The following SCFD2 variants were observed in gnomAD, a reference collection of about 807,000 sequenced individuals.
The protein encoded by SCFD2 is sec1 family domain-containing protein 2.
SCFD2 carries 54 observed loss-of-function variants against 58.9 expected under a neutral mutation model. The observed-to-expected ratio is 0.92, with a 90% CI of 0.74 to 1.15. SCFD2 has a LOEUF of 1.15. SCFD2 is among the 50% of genes most tolerant of loss of function. SCFD2 has a pLI of 0.00. For missense variants in SCFD2, 805 were observed against 836.6 expected (o/e 0.96, Z 0.47); for synonymous variants, 321 against 335.9 (o/e 0.96, Z 0.49).
chr4:53,133,459 T>A (rs1033084918), intron 5 of SCFD2, among the ~76,000 whole-genome samples: 4 of 152,170 alleles, frequency 2.6e-5, no homozygotes, highest in Admixed American at 2.6e-4. Flanking sequence ...AAGACATAAC[T>A]TCTCAAACAT....
Position 53,273,936 on chromosome 4 carries a change from T to C in SCFD2, c.1201A>G (p.Met401Val), listed in dbSNP as rs950577487. The stretch of plus-strand genomic sequence containing the variant: ...AGCTGGAGGAGGCCACAATGATTCA[T>C]TAGAGCTTTGAGGTTGTTCTTGAAG... ...QLFKNNLKAL[M>V]NHCGLLQLGL... is the part of the protein sequence containing the mutation. The change falls in exon 4 of 9, where the codon ATG becomes GTG. Residue 401 changes from methionine to valine, a missense_variant. Coordinates refer to ENST00000401642, the MANE Select transcript of SCFD2 (RefSeq NM_152540.4). The C allele has an allele frequency of 1.9e-6, 3 of 1,613,840 alleles. No individual in the cohort carries two copies. The highest frequency in any genetic ancestry group is 2.7e-5 in the African/African-American group (2 of 74,924).
At chr4:53,173,711 T>C (rs1259365756) in intron 4 of SCFD2, among the ~76,000 whole-genome samples, 1 of 152,200 alleles carries the variant, frequency 6.6e-6, no homozygotes, top group East Asian at 1.9e-4. Context: ...CCTCTAGTGG[T>C]ATGCTTTGAA....
chr4:52,882,091 T>C (rs1330268549), intron 8 of SCFD2, among the ~76,000 whole-genome samples: 1 of 151,974 alleles, frequency 6.6e-6, no homozygotes, highest in Non-Finnish European at 1.5e-5. Flanking sequence ...TTGGTTCCAA[T>C]CAAGTGCGAG....
At chr4:52,916,451 G>A (rs1206873131) in intron 6 of SCFD2, among the ~76,000 whole-genome samples, 1 of 152,226 alleles carries the variant, frequency 6.6e-6, no homozygotes, top group African/African-American at 2.4e-5. Flanking sequence ...GCGCGCGCCT[G>A]TAGTCCCAGC....
At chr4:52,884,476 A>G (rs1426527124) in intron 8 of SCFD2, among the ~76,000 whole-genome samples, 1 of 152,154 alleles carries the variant, frequency 6.6e-6, no homozygotes, top group East Asian at 1.9e-4. Flanking sequence ...TGAGTCATGT[A>G]ACACCACCTC....
chr4:52,990,867 G>A (rs1187157262), intron 5 of SCFD2, among the ~76,000 whole-genome samples: 2 of 152,324 alleles, frequency 1.3e-5, no homozygotes, highest in South Asian at 2.1e-4. Flanking sequence ...TAACTCTTAC[G>A]CATCAGTTTT....
At chr4:53,203,322 C>T (rs954986478) in intron 4 of SCFD2, among the ~76,000 whole-genome samples, 1 of 151,082 alleles carries the variant, frequency 6.6e-6, no homozygotes. Context: ...TATATGCTGA[C>T]AAACATGAAT....
In SCFD2 at chr4:52,965,877, G is replaced by A. The variant is rs114308088; in HGVS notation, c.1562-45007C>T. On this transcript the variant is annotated intron_variant, in intron 5 of 8. Transcript: ENST00000401642. ...TTTATTACTCAAAAAACTTGACTCT[G>A]GTGTCTGCAAATAATACTCTATGCT... Among the ~76,000 whole-genome samples, 1,408 of 152,212 alleles carry A rather than the reference G, an allele frequency of 9.3e-3. 17 individuals are homozygous for A. Among genetic ancestry groups the A allele is most frequent in the African/African-American group, 0.032 (1,338 of 41,496 alleles).
chr4:52,967,048 G>A (rs1342875620), intron 5 of SCFD2, among the ~76,000 whole-genome samples: 1 of 152,172 alleles, frequency 6.6e-6, no homozygotes, highest in Admixed American at 6.5e-5. Context: ...TTTACTTTCT[G>A]TCTCTATGAA....
intron 5 of SCFD2, among the ~76,000 whole-genome samples, chr4:53,141,799 C>T (rs1726173963): frequency 6.6e-6 from 1 of 152,160 alleles, no homozygotes; most frequent in South Asian, 2.1e-4. Flanking sequence ...TAAAGTCCAG[C>T]AAGCCTGGAG....
rs559485546 is a variant in SCFD2, at chr4:52,999,749, G to A, written c.1562-78879C>T. On this transcript the variant is annotated intron_variant, in intron 5 of 8. Transcript: ENST00000401642. ...ATAATGTTGTTTTTGGGTAAACCAC[G>A]ACTTCTTTGAAATCACCAAAAGAGA... 6.6e-5 allele frequency among the ~76,000 whole-genome samples: 10 copies of A among 152,236 alleles called. No individual in the cohort carries two copies. The South Asian group carries it at 8.3e-4, about 13-fold the overall frequency.
intron 5 of SCFD2, among the ~76,000 whole-genome samples, chr4:53,067,274 T>G (rs1723689011): frequency 6.6e-6 from 1 of 152,024 alleles, no homozygotes; most frequent in Admixed American, 6.6e-5. Flanking sequence ...GTGCCTGTAC[T>G]CATTTCAAAC....
chr4:53,240,982 A>G (rs1374674039), intron 4 of SCFD2, among the ~76,000 whole-genome samples: 2 of 152,236 alleles, frequency 1.3e-5, no homozygotes, highest in Non-Finnish European at 2.9e-5. Flanking sequence ...GAGGGAAGGC[A>G]TTGAGAGCAG....
chr4:53,074,463 C>G (rs112961379), intron 5 of SCFD2, among the ~76,000 whole-genome samples: 1,917 of 152,256 alleles, frequency 0.013, 46 homozygotes, highest in African/African-American at 0.044. Flanking sequence ...TTAATGGCAT[C>G]TAGAATAGTG....
At chr4:53,291,313 G>A (rs376043526) in intron 3 of SCFD2, among the ~76,000 whole-genome samples, 8 of 152,054 alleles carry the variant, frequency 5.3e-5, no homozygotes, top group Non-Finnish European at 7.4e-5. Flanking sequence ...AAAATCACAA[G>A]CATTTCTTTA....
intron 5 of SCFD2, among the ~76,000 whole-genome samples, chr4:52,929,024 G>A (rs1719927601): frequency 6.6e-6 from 1 of 152,116 alleles, no homozygotes; most frequent in Non-Finnish European, 1.5e-5. Flanking sequence ...AGCCTACATG[G>A]GTAAGTGGAT....
chr4:53,276,258 C>CA (rs1194614335), intron 3 of SCFD2, among the ~76,000 whole-genome samples: 3 of 151,726 alleles, frequency 2.0e-5, no homozygotes, highest in South Asian at 2.1e-4. Flanking sequence ...AGTTTTATAG[C>CA]AAAAAAGCGT....
intron 2 of SCFD2, among the ~76,000 whole-genome samples, chr4:53,343,667 C>G (rs1233959204): frequency 1.3e-5 from 2 of 152,166 alleles, no homozygotes; most frequent in East Asian, 3.8e-4. Flanking sequence ...GAATTTTAGA[C>G]CAATATCCCT....
chr4:53,238,493 C>T (rs529373593), intron 4 of SCFD2, among the ~76,000 whole-genome samples: 4 of 125,350 alleles, frequency 3.2e-5, no homozygotes, highest in African/African-American at 5.9e-5. Flanking sequence ...GCTGGTGGGG[C>T]GGGGGCTGAC....
Sources: gnomAD v4.1 joint callset for allele counts (sites outside exome capture counted in the v4.1 genomes callset) on GRCh38, gnomAD v4.1.1 for gene constraint, MANE v1.5 for transcripts, NCBI Gene and HGNC (gene_info 2026-07-23, HGNC 2026-07-21) for gene names.